EFNA5: variants seen among roughly 807,000 people sequenced by gnomAD.
The protein encoded by EFNA5 is ephrin A5.
In EFNA5, 5 loss-of-function variants were observed where a neutral mutation model predicts 22.9. The ratio of observed to expected loss-of-function variants is 0.22; its 90% CI spans 0.11 to 0.46. EFNA5 has a LOEUF of 0.46. Ranked by LOEUF, EFNA5 falls within the 20% of genes least tolerant of loss-of-function variation. EFNA5 has a pLI of 0.99. For missense variants in EFNA5, 237 were observed against 293.3 expected, an observed-to-expected ratio of 0.81 and a Z score of 1.40; for synonymous variants, 113 against 112.2, an observed-to-expected ratio of 1.01 and a Z score of -0.04.
intron 1 of EFNA5, among the ~76,000 whole-genome samples, chr5:107,517,226 G>A (rs2112439930): frequency 1.3e-5 from 2 of 151,986 alleles, no homozygotes; most frequent in Middle Eastern, 7.0e-3. Context: ...GTGCAGGGAG[G>A]AGAAACTAGA....
intron 4 of EFNA5, among the ~76,000 whole-genome samples, chr5:107,383,704 T>C (rs921439199): frequency 7.2e-5 from 11 of 152,324 alleles, no homozygotes; most frequent in African/African-American, 2.6e-4. Context: ...AGCACTTAGA[T>C]CTTCGGTGTG....
intron 1 of EFNA5, among the ~76,000 whole-genome samples, chr5:107,516,869 C>T (rs1420979485): frequency 6.6e-6 from 1 of 152,058 alleles, no homozygotes; most frequent in African/African-American, 2.4e-5. Context: ...ATATTATATT[C>T]AGTGAAAGAA....
chr5:107,432,670 A>G (rs1240407623), intron 1 of EFNA5, among the ~76,000 whole-genome samples: 2 of 152,218 alleles, frequency 1.3e-5, no homozygotes, highest in Non-Finnish European at 2.9e-5. Context: ...CTGTTTTCAC[A>G]GTGTAAAAGT....
chr5:107,591,233 C>T (rs911832965), intron 1 of EFNA5, among the ~76,000 whole-genome samples: 4 of 152,104 alleles, frequency 2.6e-5, no homozygotes, highest in African/African-American at 9.7e-5. Flanking sequence ...CTTGAGCCAA[C>T]ATTTAAAAGT....
In EFNA5 at chr5:107,527,009, A is replaced by G. The variant is rs564591129; in HGVS notation, c.126-99500T>C. Among the ~76,000 whole-genome samples, 5 of 152,318 alleles carry G rather than the reference A, an allele frequency of 3.3e-5. No homozygotes were observed. In the East Asian group the frequency reaches 9.6e-4, roughly 29 times the overall value. On this transcript the variant is annotated intron_variant, in intron 1 of 4. Coordinates refer to ENST00000333274, the MANE Select transcript of EFNA5 (RefSeq NM_001962.3). ...GAATAACCAACCATATTAGCCACAA[A>G]ATGCCAGATTTTTACTTTATTTTCT... is the stretch of plus-strand genomic sequence containing the variant.
At chr5:107,635,180 T>G (rs1750347437) in intron 1 of EFNA5, among the ~76,000 whole-genome samples, 1 of 152,352 alleles carries the variant, frequency 6.6e-6, no homozygotes, top group East Asian at 1.9e-4. Flanking sequence ...ACATTCTTCT[T>G]AAATCGCATC....
chr5:107,459,352 C>CA (rs1749776020), intron 1 of EFNA5, among the ~76,000 whole-genome samples: 1 of 104,280 alleles, frequency 9.6e-6, no homozygotes, highest in African/African-American at 3.8e-5. Context: ...GACTCCATCT[C>CA]AAAAAAAATC....
At chr5:107,631,037 T>G (rs1750238424) in intron 1 of EFNA5, among the ~76,000 whole-genome samples, 1 of 152,156 alleles carries the variant, frequency 6.6e-6, no homozygotes, top group Non-Finnish European at 1.5e-5. Flanking sequence ...CAACGTTTTC[T>G]TCTGGAATAC....
intron 1 of EFNA5, among the ~76,000 whole-genome samples, chr5:107,515,056 G>A (rs1216927437): frequency 6.6e-6 from 1 of 152,178 alleles, no homozygotes; most frequent in Non-Finnish European, 1.5e-5. Flanking sequence ...CCAGCCACGT[G>A]TACTGTCAAG....
intron 1 of EFNA5, among the ~76,000 whole-genome samples, chr5:107,590,395 ATTT>A (rs34410566): frequency 6.9e-6 from 1 of 144,998 alleles, no homozygotes; most frequent in Admixed American, 6.9e-5. Flanking sequence ...TATAGACATA[ATTT>A]TTTTTTTTTT....
rs1747435564 is a variant in EFNA5, at chr5:107,380,838, C to T, written c.*417G>A. The T allele has an allele frequency of 2.4e-6, 1 of 409,352 alleles. No homozygotes were observed. The highest frequency in any genetic ancestry group is 4.3e-6 in the Non-Finnish European group (1 of 231,750). 25.4% of individuals were successfully genotyped at this position (409,352 alleles called of 1,614,324 possible). A position where few individuals can be genotyped will look rare whatever the true frequency, so the allele number is the denominator to read the frequency against. Reference sequence around the variant, plus strand: ...AAATATTGCATAGGAGAGCAAAACCCTCCCAGCCCTAGCCAGCGCTGGCTG... The same window carrying T: ...AAATATTGCATAGGAGAGCAAAACCTTCCCAGCCCTAGCCAGCGCTGGCTG... On this transcript the variant is annotated 3_prime_UTR_variant, in exon 5 of 5. Transcript: ENST00000333274.
intron 1 of EFNA5, among the ~76,000 whole-genome samples, chr5:107,503,792 A>G (rs945767280): frequency 2.0e-5 from 3 of 152,170 alleles, no homozygotes; most frequent in Non-Finnish European, 4.4e-5. Flanking sequence ...TAAATTGTTT[A>G]CCCATTAAAA....
chr5:107,524,532 C>T (rs1256906721), intron 1 of EFNA5, among the ~76,000 whole-genome samples: 3 of 152,200 alleles, frequency 2.0e-5, no homozygotes, highest in Non-Finnish European at 4.4e-5. Context: ...AATGCAAACA[C>T]ATTTTTTACT....
At chr5:107,452,060 T>C (rs1169243618) in intron 1 of EFNA5, among the ~76,000 whole-genome samples, 3 of 152,238 alleles carry the variant, frequency 2.0e-5, no homozygotes, top group African/African-American at 7.2e-5. Context: ...AGGAATGAGA[T>C]CGTGTCCTTG....
At chr5:107,621,954 G>A (rs1750047665) in intron 1 of EFNA5, among the ~76,000 whole-genome samples, 1 of 151,542 alleles carries the variant, frequency 6.6e-6, no homozygotes, top group East Asian at 1.9e-4. Context: ...TCCTCTATTT[G>A]ACTTTGCCTT....
chr5:107,466,017 C>T (rs1485656108), intron 1 of EFNA5, among the ~76,000 whole-genome samples: 1 of 152,120 alleles, frequency 6.6e-6, no homozygotes, highest in African/African-American at 2.4e-5. Flanking sequence ...AAGTCGGGAG[C>T]AGGAGGAGGC....
rs145204214 is a variant in EFNA5, at chr5:107,465,692, A to G, written c.126-38183T>C. Among the ~76,000 whole-genome samples the G allele has an allele frequency of 1.1e-3, 167 of 152,252 alleles. 1 individual carries two copies. The highest frequency in any genetic ancestry group is 3.9e-3 in the African/African-American group (163 of 41,552). ...GAAATGTAGGGATACAATCATGGTG[A>G]CAGTCTTTGTTCAATCTCTGGCTAG... On this transcript the variant is annotated intron_variant, in intron 1 of 4. Coordinates refer to ENST00000333274, the MANE Select transcript of EFNA5 (RefSeq NM_001962.3).
intron 1 of EFNA5, among the ~76,000 whole-genome samples, chr5:107,448,787 G>A (rs907948671): frequency 6.6e-6 from 1 of 151,354 alleles, no homozygotes; most frequent in Admixed American, 6.6e-5. Flanking sequence ...ACGAGATCAT[G>A]CCACTGCACT....
chr5:107,600,611 C>T (rs546494851), intron 1 of EFNA5, among the ~76,000 whole-genome samples: 10 of 151,990 alleles, frequency 6.6e-5, no homozygotes, highest in East Asian at 1.9e-4. Flanking sequence ...CTCAGCCTCC[C>T]GAGTAGCTGG....
Sources: allele counts gnomAD v4.1 joint callset (sites outside exome capture counted in the v4.1 genomes callset), GRCh38; gene constraint gnomAD v4.1.1; transcripts MANE v1.5; gene names NCBI Gene and HGNC (gene_info 2026-07-23, HGNC 2026-07-21).